The following UBASH3B variants were observed in gnomAD, a reference collection of about 807,000 sequenced individuals.
The protein encoded by UBASH3B is ubiquitin-associated and SH3 domain-containing protein B.
In UBASH3B, 37 loss-of-function variants were observed where a neutral mutation model predicts 83.4. The ratio of observed to expected loss-of-function variants is 0.44; its 90% CI spans 0.34 to 0.58. The LOEUF (loss-of-function observed/expected upper bound fraction) is 0.58. Among genes scored for constraint, UBASH3B ranks in the 20% least tolerant of loss-of-function variants. The pLI is 0.01. For missense variants in UBASH3B, 657 were observed against 827.2 expected, an observed-to-expected ratio of 0.79 and a Z score of 2.52; for synonymous variants, 304 against 318.3, an observed-to-expected ratio of 0.96 and a Z score of 0.48.
At chr11:122,725,109 A>G (rs1860710821) in intron 1 of UBASH3B, among the ~76,000 whole-genome samples, 1 of 123,176 alleles carries the variant, frequency 8.1e-6, no homozygotes, top group Admixed American at 1.1e-4. Flanking sequence ...AGCCAGGATT[A>G]CAGGCACCCG....
At chr11:122,752,991 G>C (rs1861223076) in intron 1 of UBASH3B, among the ~76,000 whole-genome samples, 1 of 151,860 alleles carries the variant, frequency 6.6e-6, no homozygotes, top group Non-Finnish European at 1.5e-5. Flanking sequence ...CTAGAACCTG[G>C]GTCTTTTCTT....
chr11:122,778,533 T>G (rs567654929), intron 3 of UBASH3B, among the ~76,000 whole-genome samples: 10 of 149,634 alleles, frequency 6.7e-5, no homozygotes, highest in African/African-American at 2.5e-4. Flanking sequence ...GATGCTGCAC[T>G]CTCTCCTGTC....
Position 122,788,438 on chromosome 11 carries a change from G to A in UBASH3B, c.772-662G>A, listed in dbSNP as rs565911705. On this transcript the variant is annotated intron_variant, in intron 5 of 13. Coordinates refer to ENST00000284273, the MANE Select transcript of UBASH3B (RefSeq NM_032873.5). The stretch of plus-strand genomic sequence containing the variant: ...ACAAAAATTAGCCAGGTGTGGTGGC[G>A]GCCGCCTGAAATCCTAGCTACCAGG... 1.0e-3 allele frequency among the ~76,000 whole-genome samples: 153 copies of A among 152,112 alleles called. No individual in the cohort carries two copies. The South Asian group carries it at 0.03, about 30-fold the overall frequency.
chr11:122,780,655 C>A (rs553143690), intron 4 of UBASH3B, among the ~76,000 whole-genome samples: 12 of 152,286 alleles, frequency 7.9e-5, no homozygotes, highest in Middle Eastern at 3.4e-3. Flanking sequence ...TCTACCTTCA[C>A]GGAAGGAAGG....
intron 1 of UBASH3B, chr11:122,727,662 G>A (rs1860766995): frequency 6.6e-6 from 1 of 152,198 alleles, no homozygotes; most frequent in African/African-American, 2.4e-5. Context: ...ATTTGGTTTT[G>A]TTTTGCTGGG....
intron 1 of UBASH3B, among the ~76,000 whole-genome samples, chr11:122,677,709 C>G (rs1170495578): frequency 6.6e-6 from 1 of 152,122 alleles, no homozygotes; most frequent in Non-Finnish European, 1.5e-5. Context: ...TGAGATGGTG[C>G]CATTGCACTC....
rs532129721 is a variant in UBASH3B, at chr11:122,728,981, A to AGCCT, written c.162-47234_162-47231dup. ...GGTCAGACGGGGACAGAGAGTGCTC[A>AGCCT]GCCTGCCGTCCCTGCTTTCGGCTCT... On this transcript the variant is annotated intron_variant, in intron 1 of 13. Transcript: ENST00000284273. 2.0e-3 allele frequency among the ~76,000 whole-genome samples: 296 copies of AGCCT among 147,966 alleles called. 1 individual carries two copies. Among genetic ancestry groups the AGCCT allele is most frequent in the Non-Finnish European group, 3.0e-3 (198 of 65,668 alleles).
At chr11:122,693,295 A>T (rs1211814562) in intron 1 of UBASH3B, among the ~76,000 whole-genome samples, 5 of 152,148 alleles carry the variant, frequency 3.3e-5, no homozygotes, top group African/African-American at 1.2e-4. Flanking sequence ...GGCCATCTGG[A>T]TGTATACGTG....
intron 1 of UBASH3B, among the ~76,000 whole-genome samples, chr11:122,685,894 G>C (rs1863803025): frequency 6.6e-6 from 1 of 152,138 alleles, no homozygotes; most frequent in African/African-American, 2.4e-5. Flanking sequence ...GAGCTTCATA[G>C]CAGCCCTATT....
At chr11:122,710,297 C>T (rs539344554) in intron 1 of UBASH3B, among the ~76,000 whole-genome samples, 81 of 151,992 alleles carry the variant, frequency 5.3e-4, no homozygotes, top group Non-Finnish European at 7.5e-4. Flanking sequence ...TTAGGAAAGG[C>T]ATTTAGGAGG....
chr11:122,734,029 G>A (rs1860891380), intron 1 of UBASH3B, among the ~76,000 whole-genome samples: 1 of 152,110 alleles, frequency 6.6e-6, no homozygotes, highest in Non-Finnish European at 1.5e-5. Flanking sequence ...GAGACTACAA[G>A]TGTGCACCAC....
chr11:122,723,747 G>C (rs1860682363), intron 1 of UBASH3B, among the ~76,000 whole-genome samples: 1 of 152,198 alleles, frequency 6.6e-6, no homozygotes, highest in African/African-American at 2.4e-5. Flanking sequence ...AACCTTTCCT[G>C]TTTCCATGTG....
intron 6 of UBASH3B, among the ~76,000 whole-genome samples, chr11:122,790,684 C>T (rs1861038085): frequency 6.6e-6 from 1 of 152,088 alleles, no homozygotes; most frequent in African/African-American, 2.4e-5. Context: ...CGGTGGCTCA[C>T]ACCTGTAATC....
chr11:122,789,026 A>T (rs1861004275), intron 5 of UBASH3B, 74 bp from the exon 6 acceptor site: 1 of 1,375,362 alleles, frequency 7.3e-7, no homozygotes, highest in Non-Finnish European at 1.0e-6. Context: ...AATGCAGAAC[A>T]TACAGTCCTG....
At position 122,722,737 on chromosome 11, in the gene UBASH3B, G is replaced by A. The variant is rs189805619; in HGVS notation, c.162-53482G>A. Reference sequence around the variant, plus strand: ...TTTTTTTTTTTTGAGATGGAGTCTCGCTCTGTCCCCCCGGCTGGAGTGCAG... The same window carrying A: ...TTTTTTTTTTTTGAGATGGAGTCTCACTCTGTCCCCCCGGCTGGAGTGCAG... On this transcript the variant is annotated intron_variant, in intron 1 of 13. Coordinates refer to ENST00000284273, the MANE Select transcript of UBASH3B (RefSeq NM_032873.5). Among the ~76,000 whole-genome samples, 786 of 148,384 alleles carry A rather than the reference G, an allele frequency of 5.3e-3. 3 individuals carry two copies. Among genetic ancestry groups the A allele is most frequent in the African/African-American group, 0.018 (732 of 40,378 alleles).
chr11:122,753,606 C>T (rs1316323165), intron 1 of UBASH3B, among the ~76,000 whole-genome samples: 4 of 149,632 alleles, frequency 2.7e-5, no homozygotes, highest in African/African-American at 9.8e-5. Flanking sequence ...AAGCGATTCT[C>T]CTGCCTCAGC....
At chr11:122,790,910 A>C (rs1861041998) in intron 6 of UBASH3B, among the ~76,000 whole-genome samples, 2 of 151,886 alleles carry the variant, frequency 1.3e-5, no homozygotes, top group African/African-American at 4.8e-5. Context: ...GAGATCACGC[A>C]ACTGCACTCC....
At chr11:122,799,581 C>G (rs1227094521) in intron 10 of UBASH3B, among the ~76,000 whole-genome samples, 1 of 152,076 alleles carries the variant, frequency 6.6e-6, no homozygotes, top group African/African-American at 2.4e-5. Flanking sequence ...TTGGATGAAT[C>G]CTAGGCTTGC....
chr11:122,766,816 G>C (rs1860550028), intron 1 of UBASH3B, among the ~76,000 whole-genome samples: 1 of 152,216 alleles, frequency 6.6e-6, no homozygotes. Flanking sequence ...ATCTTTGCTT[G>C]GCTCTGGCAT....
Sources: gnomAD v4.1 joint callset for allele counts (sites outside exome capture counted in the v4.1 genomes callset) on GRCh38, gnomAD v4.1.1 for gene constraint, MANE v1.5 for transcripts, NCBI Gene and HGNC (gene_info 2026-07-23, HGNC 2026-07-21) for gene names.